Variants in NELL1 observed in about 807,000 individuals in gnomAD.
The protein encoded by NELL1 is protein kinase C-binding protein NELL1.
In NELL1, 76 loss-of-function variants were observed where a neutral mutation model predicts 107.4. That is an observed-to-expected ratio of 0.71 (90% CI 0.59 to 0.86). The LOEUF (loss-of-function observed/expected upper bound fraction) is 0.86, where lower values mean the gene tolerates loss of function less well. Ranked by LOEUF, NELL1 falls within the 40% of genes least tolerant of loss-of-function variation. NELL1 has a pLI of 0.00. For missense variants in NELL1, 1,024 were observed against 1,005.5 expected, an observed-to-expected ratio of 1.02 and a Z score of -0.25; for synonymous variants, 353 against 341.2, an observed-to-expected ratio of 1.03 and a Z score of -0.38.
chr11:20,964,794 A>G lies in NELL1; in HGVS notation c.1300+4234A>G, dbSNP rs115635722. 4.8e-3 allele frequency among the ~76,000 whole-genome samples: 730 copies of G among 152,322 alleles called. 6 individuals carry two copies. The highest frequency in any genetic ancestry group is 0.017 in the African/African-American group (695 of 41,574). On this transcript the variant is annotated intron_variant, in intron 12 of 19. Transcript: ENST00000357134. ...GAGTAGAACCTCAAGGAGCTTTTGC[A>G]GAATTCCACATCGTTCTCTTTTCTC...
At chr11:20,982,614 A>G (rs966971526) in intron 12 of NELL1, among the ~76,000 whole-genome samples, 5 of 152,214 alleles carry the variant, frequency 3.3e-5, no homozygotes, top group African/African-American at 1.2e-4. Context: ...TGTCTTCAGT[A>G]TTATTTAGCC....
chr11:21,015,603 A>G (rs562274843), intron 12 of NELL1, among the ~76,000 whole-genome samples: 8 of 152,196 alleles, frequency 5.3e-5, no homozygotes, highest in African/African-American at 1.9e-4. Context: ...CATTGTGGAA[A>G]GGTCAGCAGC....
intron 12 of NELL1, among the ~76,000 whole-genome samples, chr11:21,075,269 C>T (rs1854107550): frequency 6.6e-6 from 1 of 152,220 alleles, no homozygotes; most frequent in African/African-American, 2.4e-5. Context: ...GTGATCTATC[C>T]CTTGTTTGTT....
rs150319998 is a variant in NELL1 at position 21,461,628 on chromosome 11, A to G, written c.1646-72746A>G. ...AGACTTTAACTATAAAATCTCCCTT[A>G]ATTCTTACAACAACTTTGAAGGCCA... On this transcript the variant is annotated intron_variant, in intron 15 of 19. Coordinates refer to ENST00000357134, the MANE Select transcript of NELL1 (RefSeq NM_006157.5). Among the ~76,000 whole-genome samples the G allele has an allele frequency of 1.9e-4, 29 of 152,160 alleles. No individual in the cohort carries two copies. In the East Asian group the frequency reaches 5.2e-3, roughly 27 times the overall value.
At chr11:21,271,909 G>A (rs1267042278) in intron 14 of NELL1, among the ~76,000 whole-genome samples, 1 of 152,152 alleles carries the variant, frequency 6.6e-6, no homozygotes, top group Non-Finnish European at 1.5e-5. Flanking sequence ...TGCAGAAAAA[G>A]CATTTGACAG....
chr11:21,553,686 T>G (rs1856642433), intron 16 of NELL1, among the ~76,000 whole-genome samples: 1 of 151,826 alleles, frequency 6.6e-6, no homozygotes, highest in Non-Finnish European at 1.5e-5. Flanking sequence ...CAAATGTTTA[T>G]GCATTTCTTA....
At chr11:20,713,981 C>T (rs1160853821) in intron 2 of NELL1, among the ~76,000 whole-genome samples, 1 of 152,004 alleles carries the variant, frequency 6.6e-6, no homozygotes, top group Non-Finnish European at 1.5e-5. Context: ...CGGTTTTTCC[C>T]CTCTCACCCT....
intron 15 of NELL1, among the ~76,000 whole-genome samples, chr11:21,382,396 T>C (rs1211350358): frequency 1.3e-5 from 2 of 151,938 alleles, no homozygotes; most frequent in African/African-American, 2.4e-5. Flanking sequence ...AAAATCAGAT[T>C]TTTATATCTT....
chr11:20,780,614 T>C (rs1406612119), intron 2 of NELL1, among the ~76,000 whole-genome samples: 3 of 152,094 alleles, frequency 2.0e-5, no homozygotes, highest in Admixed American at 2.0e-4. Flanking sequence ...TGATAAATAA[T>C]ATCAGCAAAT....
chr11:21,030,082 GTGACAGCC>G, intron 12 of NELL1, among the ~76,000 whole-genome samples: 1 of 152,318 alleles, frequency 6.6e-6, no homozygotes, highest in South Asian at 2.1e-4. Flanking sequence ...GTTTGGGAAA[GTGACAGCC>G]TGTAGTATTG....
chr11:21,224,313 G>T (rs968876626), intron 13 of NELL1, among the ~76,000 whole-genome samples: 1 of 151,952 alleles, frequency 6.6e-6, no homozygotes, highest in African/African-American at 2.4e-5. Context: ...CATGAACATG[G>T]TTCCCTGCAA....
chr11:21,309,260 GTATATATATATATATATATGTATA>G (rs1248156486), intron 14 of NELL1, among the ~76,000 whole-genome samples: 2,023 of 99,646 alleles, frequency 0.02, 46 homozygotes, highest in Admixed American at 0.083. Context: ...ATATATATAT[GTATATATATATATATATATGTATA>G]TATATATATA....
intron 13 of NELL1, among the ~76,000 whole-genome samples, chr11:21,188,321 G>A (rs1035419896): frequency 6.6e-6 from 1 of 151,692 alleles, no homozygotes; most frequent in African/African-American, 2.4e-5. Flanking sequence ...ACATTTGAGG[G>A]GTGAGACAGA....
chr11:20,802,632 C>T (rs1317660524), intron 3 of NELL1, among the ~76,000 whole-genome samples: 1 of 152,150 alleles, frequency 6.6e-6, no homozygotes, highest in Non-Finnish European at 1.5e-5. Context: ...GGTGAACATC[C>T]TTCTCATGTT....
intron 14 of NELL1, among the ~76,000 whole-genome samples, chr11:21,359,356 T>A (rs1851019493): frequency 6.6e-6 from 1 of 152,234 alleles, no homozygotes; most frequent in African/African-American, 2.4e-5. Flanking sequence ...ATTATCTTTT[T>A]GATATGCTGT....
intron 14 of NELL1, among the ~76,000 whole-genome samples, chr11:21,336,651 GTATA>G (rs71034503): frequency 2.4e-4 from 32 of 132,032 alleles, no homozygotes; most frequent in South Asian, 7.6e-4. Context: ...ATATGTGTGT[GTATA>G]TATATATATA....
intron 14 of NELL1, among the ~76,000 whole-genome samples, chr11:21,346,383 A>T (rs1040523181): frequency 3.3e-5 from 5 of 151,990 alleles, no homozygotes; most frequent in Non-Finnish European, 5.9e-5. Flanking sequence ...TGAGTTATAT[A>T]CTTCCATTCT....
At chr11:21,212,555 C>A (rs577031664) in intron 13 of NELL1, among the ~76,000 whole-genome samples, 140 of 152,230 alleles carry the variant, frequency 9.2e-4, no homozygotes, top group Non-Finnish European at 1.7e-3. Context: ...GATTCCTCTA[C>A]TGAAGTAAAG....
At chr11:20,741,882 G>T (rs1427317202) in intron 2 of NELL1, among the ~76,000 whole-genome samples, 1 of 152,206 alleles carries the variant, frequency 6.6e-6, no homozygotes, top group East Asian at 1.9e-4. Context: ...ATATGATGGA[G>T]TCATGCTTCT....
Sources: allele counts gnomAD v4.1 joint callset (sites outside exome capture counted in the v4.1 genomes callset), GRCh38; gene constraint gnomAD v4.1.1; transcripts MANE v1.5; gene names NCBI Gene and HGNC (gene_info 2026-07-23, HGNC 2026-07-21).